The following GARIN1A variants were observed in gnomAD, a reference collection of about 807,000 sequenced individuals.
GARIN1A encodes the protein golgi associated RAB2 interactor 1A, also known as Golgi-associated RAB2 interactor protein 1A.
chr7:128,691,019 A>G, the GARIN1A span: 1 of 152,240 alleles, frequency 6.6e-6, no homozygotes, highest in Non-Finnish European at 1.5e-5. Context: ...CAAACAAAAA[A>G]TAATATAAAT....
the GARIN1A span, among the ~76,000 whole-genome samples, chr7:128,691,921 T>C: frequency 1.3e-5 from 2 of 152,174 alleles, no homozygotes; most frequent in Admixed American, 6.5e-5. Context: ...TCCTGAATTG[T>C]GTAACGTGAG....
the GARIN1A span, among the ~76,000 whole-genome samples, chr7:128,672,811 A>G: frequency 6.6e-6 from 1 of 152,326 alleles, no homozygotes; most frequent in African/African-American, 2.4e-5. Context: ...ATCAGAGCTC[A>G]GTCTCCAGGC....
chr7:128,688,613 A>C, the GARIN1A span, among the ~76,000 whole-genome samples: 1 of 151,968 alleles, frequency 6.6e-6, no homozygotes, highest in Admixed American at 6.6e-5. Context: ...TAAGCCCTTG[A>C]TGGTTTTGCA....
the GARIN1A span, among the ~76,000 whole-genome samples, chr7:128,688,158 C>T: frequency 2.6e-5 from 4 of 152,146 alleles, no homozygotes; most frequent in Non-Finnish European, 4.4e-5. Context: ...ATTAAAGGCA[C>T]GCGCCACCAC....
At chr7:128,680,374 G>A in the GARIN1A span, among the ~76,000 whole-genome samples, 5 of 152,156 alleles carry the variant, frequency 3.3e-5, no homozygotes, top group African/African-American at 7.2e-5. Context: ...CTAATGACAG[G>A]TGTTCAATAA....
the GARIN1A span, chr7:128,682,890 A>T: frequency 7.9e-7 from 1 of 1,258,302 alleles, no homozygotes; most frequent in Non-Finnish European, 1.1e-6. Flanking sequence ...AGTGGTTTTT[A>T]AGTTAAATTT....
At chr7:128,685,530 G>A in the GARIN1A span, 1 of 152,228 alleles carries the variant, frequency 6.6e-6, no homozygotes, top group African/African-American at 2.4e-5. Flanking sequence ...AGTCAAATCT[G>A]GCTGAATTGA....
At chr7:128,689,393 GGGAGCGCCTCTGCCCCGTCTGGGATGTGA>G in the GARIN1A span, among the ~76,000 whole-genome samples, 11 of 151,492 alleles carry the variant, frequency 7.3e-5, no homozygotes, top group Admixed American at 2.0e-4. Context: ...CTGAGATGTG[GGGAGCGCCTCTGCCCCGTCTGGGATGTGA>G]GGAGCGCCTC....
the GARIN1A span, among the ~76,000 whole-genome samples, chr7:128,692,534 C>T: frequency 6.6e-6 from 1 of 152,134 alleles, no homozygotes; most frequent in African/African-American, 2.4e-5. Context: ...AATTATGCTC[C>T]ACCAGGACAT....
At chr7:128,707,913 C>CTTCCTTCCT in the GARIN1A span, among the ~76,000 whole-genome samples, 1 of 150,516 alleles carries the variant, frequency 6.6e-6, no homozygotes, top group East Asian at 1.9e-4. Context: ...TTCTTCCTTC[C>CTTCCTTCCT]TTCCTTCCTT....
At chr7:128,679,662 G>A in the GARIN1A span, among the ~76,000 whole-genome samples, 3 of 152,154 alleles carry the variant, frequency 2.0e-5, no homozygotes, top group East Asian at 5.8e-4. Flanking sequence ...CCAATAGATT[G>A]GACTGTTCAA....
chr7:128,672,278 G>C, the GARIN1A span: 1 of 812,848 alleles, frequency 1.2e-6, no homozygotes, highest in South Asian at 1.9e-5. Flanking sequence ...TGGACAGCCC[G>C]TAAGTAAATG....
At chr7:128,687,145 T>C in the GARIN1A span, 2 of 152,260 alleles carry the variant, frequency 1.3e-5, no homozygotes, top group African/African-American at 4.8e-5. Flanking sequence ...CTTATCCTTA[T>C]TGATGGATTT....
chr7:128,677,946 T>A, the GARIN1A span: 1 of 721,292 alleles, frequency 1.4e-6, no homozygotes, highest in Non-Finnish European at 2.2e-6. Context: ...TGATAATTTC[T>A]ATTCAGTAGT....
At chr7:128,683,191 C>T in the GARIN1A span, 45 of 1,507,400 alleles carry the variant, frequency 3.0e-5, no homozygotes, top group Middle Eastern at 2.0e-4. Context: ...TCCTTGCATA[C>T]GTGTACTTGC....
chr7:128,676,261 C>T, the GARIN1A span, among the ~76,000 whole-genome samples: 8 of 150,576 alleles, frequency 5.3e-5, no homozygotes, highest in African/African-American at 9.7e-5. Flanking sequence ...CCACCTGCCT[C>T]GGCCTCCCAA....
the GARIN1A span, among the ~76,000 whole-genome samples, chr7:128,692,542 C>T: frequency 6.6e-6 from 1 of 152,170 alleles, no homozygotes; most frequent in East Asian, 1.9e-4. Context: ...TCCACCAGGA[C>T]ATGGCATCTG....
the GARIN1A span, among the ~76,000 whole-genome samples, chr7:128,691,959 C>T: frequency 2.6e-5 from 4 of 152,210 alleles, no homozygotes; most frequent in African/African-American, 4.8e-5. Flanking sequence ...TCCATGCAGG[C>T]GTTGTCGCAG....
the GARIN1A span, chr7:128,680,067 G>T: frequency 1.3e-6 from 2 of 1,580,306 alleles, no homozygotes; most frequent in Non-Finnish European, 1.7e-6. Context: ...CCAGCCCAGC[G>T]AGCCCCTCGT....
Sources: gnomAD v4.1 joint callset for allele counts (sites outside exome capture counted in the v4.1 genomes callset) on GRCh38, gnomAD v4.1.1 for gene constraint, MANE v1.5 for transcripts, NCBI Gene and HGNC (gene_info 2026-07-23, HGNC 2026-07-21) for gene names.